Variants in DPYD observed in about 807,000 individuals in gnomAD.
DPYD encodes dihydropyrimidine dehydrogenase [NADP(+)].
Under a neutral mutation model 116.2 loss-of-function variants are expected in DPYD, and 109 were observed. That is an observed-to-expected ratio of 0.94 (90% CI 0.80 to 1.10). The LOEUF is 1.10. DPYD is among the 50% of genes least tolerant of loss of function. DPYD has a pLI of 0.00. For missense variants in DPYD, 1,302 were observed against 1,254.5 expected (o/e 1.04, Z -0.57); for synonymous variants, 440 against 432.0 (o/e 1.02, Z -0.23).
intron 14 of DPYD, among the ~76,000 whole-genome samples, chr1:97,440,460 T>C (rs536235262): frequency 1.3e-5 from 2 of 152,256 alleles, no homozygotes; most frequent in East Asian, 3.9e-4. Context: ...CTTTTTATTA[T>C]TCCATTATAT....
At chr1:97,852,970 C>T (rs964095931) in intron 2 of DPYD, among the ~76,000 whole-genome samples, 1 of 152,188 alleles carries the variant, frequency 6.6e-6, no homozygotes, top group Non-Finnish European at 1.5e-5. Flanking sequence ...AATATCCAAA[C>T]CCCTTTGTAT....
chr1:97,434,465 G>T (rs547649707), intron 14 of DPYD, among the ~76,000 whole-genome samples: 1 of 152,134 alleles, frequency 6.6e-6, no homozygotes, highest in East Asian at 1.9e-4. Context: ...CTTGGATTGG[G>T]TACAAATGCT....
intron 13 of DPYD, among the ~76,000 whole-genome samples, chr1:97,482,171 T>C (rs2101883385): frequency 6.6e-6 from 1 of 152,270 alleles, no homozygotes; most frequent in Admixed American, 6.5e-5. Flanking sequence ...AAATCCTAGA[T>C]ATAAAGACTT....
intron 20 of DPYD, among the ~76,000 whole-genome samples, chr1:97,153,998 C>T (rs200373812): frequency 1.4e-5 from 2 of 146,804 alleles, no homozygotes; most frequent in South Asian, 2.1e-4. Flanking sequence ...AAGATGTTGG[C>T]GTGGATATCG....
intron 4 of DPYD, among the ~76,000 whole-genome samples, chr1:97,726,909 T>C (rs1663295164): frequency 6.6e-6 from 1 of 151,710 alleles, no homozygotes; most frequent in African/African-American, 2.4e-5. Flanking sequence ...GATTTTTCTA[T>C]AGCTGTCAAA....
At chr1:97,089,453 T>C (rs1649744574) in intron 21 of DPYD, among the ~76,000 whole-genome samples, 2 of 152,200 alleles carry the variant, frequency 1.3e-5, no homozygotes, top group Non-Finnish European at 2.9e-5. Flanking sequence ...GTTTCTTTTC[T>C]CTAGCACAGG....
chr1:97,530,941 T>C (rs1323180790), intron 12 of DPYD, among the ~76,000 whole-genome samples: 3 of 152,222 alleles, frequency 2.0e-5, no homozygotes, highest in South Asian at 2.1e-4. Flanking sequence ...TTCAAGTCCC[T>C]TGCTAATTTT....
At chr1:97,340,779 T>G (rs1174445801) in intron 16 of DPYD, among the ~76,000 whole-genome samples, 2 of 152,214 alleles carry the variant, frequency 1.3e-5, no homozygotes, top group African/African-American at 4.8e-5. Context: ...CGTAGATAAG[T>G]TGAGTGATAC....
At chr1:97,877,142 T>A (rs895951413) in intron 2 of DPYD, among the ~76,000 whole-genome samples, 1 of 151,894 alleles carries the variant, frequency 6.6e-6, no homozygotes, top group African/African-American at 2.4e-5. Flanking sequence ...CAGTGTTGAG[T>A]GGAACATCAG....
intron 1 of DPYD, chr1:97,883,995 T>G (rs534510018): frequency 3.4e-4 from 102 of 297,002 alleles, no homozygotes; most frequent in African/African-American, 2.0e-3. Context: ...AGTGAGAAGA[T>G]ATACTTGTCT....
At chr1:97,468,098 G>C (rs1294009171) in intron 13 of DPYD, among the ~76,000 whole-genome samples, 2 of 152,114 alleles carry the variant, frequency 1.3e-5, no homozygotes, top group Non-Finnish European at 2.9e-5. Context: ...GGTAGTCATA[G>C]ACAACATTAC....
intron 18 of DPYD, among the ~76,000 whole-genome samples, chr1:97,276,896 C>G (rs1050130523): frequency 6.6e-6 from 1 of 152,118 alleles, no homozygotes; most frequent in Non-Finnish European, 1.5e-5. Context: ...ACCAAAAAGA[C>G]ACATGTGCTT....
chr1:97,567,598 T>C (rs1453868596), intron 11 of DPYD, among the ~76,000 whole-genome samples: 1 of 152,184 alleles, frequency 6.6e-6, no homozygotes, highest in East Asian at 1.9e-4. Context: ...TGCAACATGA[T>C]GCTGAGTCCC....
At chr1:97,247,769 T>C (rs1254487321) in intron 18 of DPYD, among the ~76,000 whole-genome samples, 2 of 152,102 alleles carry the variant, frequency 1.3e-5, no homozygotes, top group Non-Finnish European at 2.9e-5. Context: ...AATGCACAAA[T>C]TCCATGCAAA....
chr1:97,381,913 G>A (rs1015431335), intron 15 of DPYD, among the ~76,000 whole-genome samples: 2 of 152,098 alleles, frequency 1.3e-5, no homozygotes, highest in South Asian at 2.1e-4. Context: ...ATTCTGTCCC[G>A]CTCTTTTATG....
chr1:97,089,014 G>A (rs1369645664), intron 21 of DPYD, among the ~76,000 whole-genome samples: 2 of 152,034 alleles, frequency 1.3e-5, no homozygotes, highest in African/African-American at 2.4e-5. Context: ...AGTTTTATCT[G>A]AGTACTCTTC....
At chr1:97,459,295 A>G (rs1349171552) in intron 13 of DPYD, among the ~76,000 whole-genome samples, 1 of 152,160 alleles carries the variant, frequency 6.6e-6, no homozygotes, top group Non-Finnish European at 1.5e-5. Context: ...AGACATGGAG[A>G]ATAGCTTAAC....
intron 6 of DPYD, among the ~76,000 whole-genome samples, chr1:97,694,279 T>G (rs1661180071): frequency 6.6e-6 from 1 of 152,216 alleles, no homozygotes; most frequent in Non-Finnish European, 1.5e-5. Context: ...AGGTGGAAAT[T>G]ACTGATTGTG....
At chr1:97,695,942 C>G (rs1661276911) in intron 6 of DPYD, among the ~76,000 whole-genome samples, 1 of 151,724 alleles carries the variant, frequency 6.6e-6, no homozygotes, top group African/African-American at 2.4e-5. Context: ...CCAGCCTGGC[C>G]AACATGATGA....
Sources: allele counts gnomAD v4.1 joint callset (sites outside exome capture counted in the v4.1 genomes callset), GRCh38; gene constraint gnomAD v4.1.1; transcripts MANE v1.5; gene names NCBI Gene and HGNC (gene_info 2026-07-23, HGNC 2026-07-21).